The following NSD2 variants were observed in gnomAD, a reference collection of about 807,000 sequenced individuals.
The protein encoded by NSD2 is histone-lysine N-methyltransferase NSD2.
NSD2 carries 12 observed loss-of-function variants against 139.0 expected under a neutral mutation model. The ratio of observed to expected loss-of-function variants is 0.09; its 90% CI spans 0.06 to 0.14. The LOEUF (loss-of-function observed/expected upper bound fraction) is 0.14. NSD2 is among the 10% of genes least tolerant of loss of function. The pLI, the probability that NSD2 is intolerant of heterozygous loss-of-function variation, is 1.00. For synonymous variants in NSD2, 669 were observed against 648.7 expected (o/e 1.03, Z -0.48); for missense variants, 1,155 against 1,745.0 (o/e 0.66, Z 6.02).
intron 1 of NSD2, among the ~76,000 whole-genome samples, chr4:1,871,918 G>C (rs1713806716): frequency 6.8e-6 from 1 of 147,578 alleles, no homozygotes; most frequent in South Asian, 2.1e-4. Context: ...GGGCCCTGCG[G>C]CTGCACCTGT....
intron 9 of NSD2, chr4:1,946,319 A>C: frequency 1.4e-6 from 1 of 707,504 alleles, no homozygotes; most frequent in Non-Finnish European, 1.8e-6. Flanking sequence ...GCTGGAGTGC[A>C]GTAAGTGGCA....
intron 10 of NSD2, among the ~76,000 whole-genome samples, chr4:1,951,486 A>AAAGTTC: frequency 6.7e-6 from 1 of 148,494 alleles, no homozygotes; most frequent in African/African-American, 2.5e-5. Flanking sequence ...ACACACACAC[A>AAAGTTC]CACACACACA....
At chr4:1,933,378 T>C (rs999789684) in intron 6 of NSD2, among the ~76,000 whole-genome samples, 3 of 152,220 alleles carry the variant, frequency 2.0e-5, no homozygotes, top group African/African-American at 7.2e-5. Context: ...GGCAACAGTG[T>C]CCTTCTGCAA....
chr4:1,978,893 T>C lies in NSD2; in HGVS notation c.4082T>C (p.Val1361Ala), dbSNP rs997272577. 7.1e-6 allele frequency: 11 copies of C among 1,558,432 alleles called. No homozygotes were observed. Among genetic ancestry groups the C allele is most frequent in the African/African-American group, 5.5e-5 (4 of 72,888 alleles). The change falls in exon 22 of 22, where the codon GTC becomes GCC. Residue 1361 changes from valine to alanine, a missense_variant. Physicochemically the swap from Val to Ala is moderately conservative, Grantham distance 64 (BLOSUM62 0). Around this residue, in one of 8 missense-constraint regions of NSD2, gnomAD observed 132 missense variants for 94.3 expected, o/e 1.40. Coordinates refer to ENST00000508803, the MANE Select transcript of NSD2 (RefSeq NM_001042424.3). ...KRRRRRGWRR[V>A]TEGK ...CGGCGGCGGAGGGGCTGGCGGAGAG[T>C]CACAGAGGGCAAATAGCGCCAGGCG...
chr4:1,934,288 T>C (rs554719615), intron 6 of NSD2, among the ~76,000 whole-genome samples: 10 of 151,752 alleles, frequency 6.6e-5, no homozygotes, highest in Non-Finnish European at 1.3e-4. Context: ...TTCCTCCATG[T>C]TGGTCAGGCT....
chr4:1,975,710 C>A, intron 20 of NSD2: 1 of 293,476 alleles, frequency 3.4e-6, no homozygotes, highest in East Asian at 6.9e-5. Context: ...CCAGGCCTGT[C>A]TCCCGTTCCT....
chr4:1,872,633 A>AGAGC (rs1178786090), intron 1 of NSD2, among the ~76,000 whole-genome samples: 28 of 131,114 alleles, frequency 2.1e-4, no homozygotes, highest in South Asian at 7.7e-4. Flanking sequence ...AGAGAGAGAG[A>AGAGC]GAGCGCGCAG....
chr4:1,933,041 C>T (rs938575617), intron 6 of NSD2, among the ~76,000 whole-genome samples: 2 of 152,234 alleles, frequency 1.3e-5, no homozygotes, highest in Non-Finnish European at 2.9e-5. Flanking sequence ...GAGCATTCCA[C>T]GGGCTTCTTC....
intron 2 of NSD2, 39 bp downstream of exon 2, chr4:1,901,290 G>T: frequency 6.6e-7 from 1 of 1,515,460 alleles, no homozygotes; most frequent in South Asian, 1.3e-5. Context: ...ATGTGACCTT[G>T]AGCAGTGAGC....
At chr4:1,968,152 C>T (rs529892176) in intron 18 of NSD2, among the ~76,000 whole-genome samples, 2 of 152,298 alleles carry the variant, frequency 1.3e-5, no homozygotes, top group African/African-American at 4.8e-5. Flanking sequence ...GAGAGCTGAC[C>T]ATCAGTATAA....
chr4:1,965,735 C>T (rs1425758477), intron 18 of NSD2, among the ~76,000 whole-genome samples: 2 of 152,178 alleles, frequency 1.3e-5, no homozygotes, highest in African/African-American at 4.8e-5. Context: ...AACTTACCAT[C>T]ACGGTGAAGG....
chr4:1,884,776 T>G (rs978980072), intron 1 of NSD2, among the ~76,000 whole-genome samples: 2 of 152,166 alleles, frequency 1.3e-5, no homozygotes, highest in Non-Finnish European at 2.9e-5. Context: ...TTGGGTTCTT[T>G]TCAGTTGAGT....
rs1318996614 is a variant in NSD2, at chr4:1,942,559, G to A, written c.1881+2781G>A. On this transcript the variant is annotated intron_variant, in intron 9 of 21. Transcript: ENST00000508803. This position sits in a 1 kb window ranked among gnomAD's most constrained non-coding sequence, Gnocchi z 4.0. Reference sequence around the variant, plus strand: ...GAAGAAAACAGATAACAAATTTTAAGACCAAGGTAAGATAACTAATCAAGG... The same window carrying A: ...GAAGAAAACAGATAACAAATTTTAAAACCAAGGTAAGATAACTAATCAAGG... 2 of 1,379,658 alleles carry A rather than the reference G, an allele frequency of 1.4e-6. No homozygotes were observed. Among genetic ancestry groups the A allele is most frequent in the African/African-American group, 2.9e-5 (2 of 68,818 alleles). 85.5% of individuals were successfully genotyped at this position (1,379,658 alleles called of 1,614,324 possible). A position where few individuals can be genotyped will look rare whatever the true frequency, so the allele number is the denominator to read the frequency against.
intron 9 of NSD2, chr4:1,946,560 C>T: frequency 9.8e-6 from 10 of 1,017,932 alleles, no homozygotes; most frequent in Non-Finnish European, 1.2e-5. Context: ...TAAGCCACTG[C>T]ACCTGGCGGG....
chr4:1,898,508 C>T (rs1168573052), intron 1 of NSD2, among the ~76,000 whole-genome samples: 4 of 151,476 alleles, frequency 2.6e-5, no homozygotes, highest in African/African-American at 9.7e-5. Flanking sequence ...ACTAAAAATA[C>T]AAAAAATTAG....
chr4:1,901,513 T>C (rs1406722653), intron 2 of NSD2, among the ~76,000 whole-genome samples: 1 of 152,208 alleles, frequency 6.6e-6, no homozygotes, highest in East Asian at 1.9e-4. Flanking sequence ...TTCAAATGGC[T>C]AAAAAGAGGC....
chr4:1,949,297 G>A (rs1404313028), intron 9 of NSD2, among the ~76,000 whole-genome samples: 1 of 152,246 alleles, frequency 6.6e-6, no homozygotes, highest in African/African-American at 2.4e-5. Flanking sequence ...GCTCTGATTA[G>A]TGTTCATGAC....
At chr4:1,970,634 G>A (rs1166256673) in intron 18 of NSD2, among the ~76,000 whole-genome samples, 6 of 152,222 alleles carry the variant, frequency 3.9e-5, no homozygotes, top group Non-Finnish European at 7.3e-5. Context: ...GAGCCGCTGA[G>A]TCAGGTGGGA....
At chr4:1,962,180 G>T (rs1391367600) in intron 18 of NSD2, among the ~76,000 whole-genome samples, 1 of 152,230 alleles carries the variant, frequency 6.6e-6, no homozygotes, top group Non-Finnish European at 1.5e-5. Context: ...GGCCAGTGGA[G>T]CCTGCTCCGG....
Sources: allele counts gnomAD v4.1 joint callset (sites outside exome capture counted in the v4.1 genomes callset), GRCh38; gene constraint gnomAD v4.1.1; regional missense constraint gnomAD v4.1.1; non-coding constraint Gnocchi (gnomAD v3.1); transcripts MANE v1.5; gene names NCBI Gene and HGNC (gene_info 2026-07-23, HGNC 2026-07-21).